Variants in MALT1 observed in about 807,000 individuals in gnomAD.
MALT1 encodes the protein mucosa-associated lymphoid tissue lymphoma translocation protein 1.
MALT1 carries 36 observed loss-of-function variants against 85.5 expected under a neutral mutation model. The observed-to-expected ratio is 0.42, with a 90% CI of 0.32 to 0.56. The LOEUF is 0.56. MALT1 is among the 20% of genes least tolerant of loss of function. The pLI is 0.10. For missense variants in MALT1, 716 were observed against 981.6 expected (o/e 0.73, Z 3.62); for synonymous variants, 359 against 361.3 (o/e 0.99, Z 0.07).
rs2055425313 is a variant in MALT1 at position 58,749,998 on chromosome 18, A to T, written c.*2156A>T. The stretch of plus-strand genomic sequence containing the variant: ...GTTAGGAATTCAAGGTTTGTTCAAC[A>T]TCTAAAAATCAAATAAGCTAATAAA... On this transcript the variant is annotated 3_prime_UTR_variant, in exon 17 of 17. Transcript: ENST00000649217. 1 of 202,486 alleles carries T rather than the reference A, an allele frequency of 4.9e-6. No homozygotes were observed. Among genetic ancestry groups the T allele is most frequent in the Admixed American group, 6.0e-5 (1 of 16,728 alleles). 12.5% of individuals were successfully genotyped at this position (202,486 alleles called of 1,614,324 possible).
intron 3 of MALT1, among the ~76,000 whole-genome samples, chr18:58,699,381 C>T (rs887972631): frequency 2.0e-5 from 3 of 152,124 alleles, no homozygotes; most frequent in African/African-American, 7.2e-5. Context: ...GTAAGTGCAG[C>T]CTGTCATCCC....
rs148336904 is a variant in MALT1, at chr18:58,725,532, A to G, written c.1222+2281A>G. On this transcript the variant is annotated intron_variant, in intron 10 of 16. Transcript: ENST00000649217. The stretch of plus-strand genomic sequence containing the variant: ...GGGGTGTTGTTTGTTTTTATATTAT[A>G]CAATTGATCTCAGCTTTTAAGGTGC... Among the ~76,000 whole-genome samples, 591 of 152,272 alleles carry G rather than the reference A, an allele frequency of 3.9e-3. 4 individuals are homozygous for G. Among genetic ancestry groups the G allele is most frequent in the African/African-American group, 0.014 (569 of 41,560 alleles).
chr18:58,730,910 T>C (rs373810801), intron 10 of MALT1, among the ~76,000 whole-genome samples: 3 of 151,390 alleles, frequency 2.0e-5, no homozygotes, highest in African/African-American at 2.4e-5. Context: ...TATATCCTCT[T>C]TGGAGAAGCA....
intron 9 of MALT1, among the ~76,000 whole-genome samples, chr18:58,717,617 A>C (rs1055378783): frequency 6.6e-6 from 1 of 151,984 alleles, no homozygotes; most frequent in African/African-American, 2.4e-5. Context: ...GTGGTGGTAC[A>C]CGCCTGTAAT....
chr18:58,692,675 A>G (rs1169254135), intron 2 of MALT1, among the ~76,000 whole-genome samples: 1 of 152,244 alleles, frequency 6.6e-6, no homozygotes, highest in East Asian at 1.9e-4. Context: ...GAAGAGTCAC[A>G]TGTCTCTCAC....
intron 10 of MALT1, among the ~76,000 whole-genome samples, chr18:58,730,575 T>C (rs1363323283): frequency 1.3e-5 from 2 of 152,250 alleles, no homozygotes; most frequent in African/African-American, 4.8e-5. Flanking sequence ...ACATGATTAA[T>C]AATACTGCTG....
chr18:58,717,763 A>G (rs890570495), intron 9 of MALT1, among the ~76,000 whole-genome samples: 88 of 151,820 alleles, frequency 5.8e-4, no homozygotes, highest in Non-Finnish European at 1.2e-3. Context: ...AAAAAAAAAA[A>G]AAAAGAAACC....
intron 2 of MALT1, among the ~76,000 whole-genome samples, chr18:58,686,091 G>C (rs751502085): frequency 6.6e-6 from 1 of 152,032 alleles, no homozygotes; most frequent in Non-Finnish European, 1.5e-5. Flanking sequence ...GCAGTGGCGC[G>C]ATCTTGGCTC....
intron 4 of MALT1, among the ~76,000 whole-genome samples, chr18:58,705,362 T>G (rs895689111): frequency 7.9e-5 from 12 of 151,686 alleles, no homozygotes; most frequent in Admixed American, 2.0e-4. Context: ...TTAGGGTACA[T>G]GTGCACATTG....
At position 58,708,839 on chromosome 18, in the gene MALT1, C is replaced by T. The variant is rs116305553; in HGVS notation, c.650-539C>T. Among the ~76,000 whole-genome samples, 1,197 of 152,264 alleles carry T rather than the reference C, an allele frequency of 7.9e-3. 18 individuals are homozygous for T. The highest frequency in any genetic ancestry group is 0.027 in the African/African-American group (1,142 of 41,552). ...ATAAAATTGACAAGCTCTTTGCCTT[C>T]AGGAAACTTAAAGAGTATTAAATGA... is the stretch of plus-strand genomic sequence containing the variant. On this transcript the variant is annotated intron_variant, in intron 4 of 16. Coordinates refer to ENST00000649217, the MANE Select transcript of MALT1 (RefSeq NM_006785.4).
Position 58,709,485 on chromosome 18 carries a change from AG to A in MALT1, c.758del (p.Ser253ThrfsTer15). ...GGTTTTACAGTGTGTTGCTGTTGGA[AG>A]CCCTATTCCTCACTACCAGTGGTTC... The part of the protein sequence containing the change: ...TLVLQCVAVG[S>X]PIPHYQWFKN... On this transcript the variant is annotated frameshift_variant, in exon 5 of 17. Coordinates refer to ENST00000649217, the MANE Select transcript of MALT1 (RefSeq NM_006785.4). LOFTEE classifies it high-confidence loss of function. 6.2e-7 allele frequency: 1 copy of A among 1,613,566 alleles called. No homozygotes were observed. Among genetic ancestry groups the A allele is most frequent in the Non-Finnish European group, 8.5e-7 (1 of 1,179,738 alleles).
At chr18:58,739,259 G>A (rs777007597) in intron 13 of MALT1, among the ~76,000 whole-genome samples, 2 of 151,886 alleles carry the variant, frequency 1.3e-5, no homozygotes, top group Non-Finnish European at 2.9e-5. Context: ...TATTCATATG[G>A]GAAATGGGCC....
chr18:58,689,632 A>AT (rs2054465663), intron 2 of MALT1, among the ~76,000 whole-genome samples: 3 of 152,050 alleles, frequency 2.0e-5, no homozygotes, highest in Non-Finnish European at 4.4e-5. Flanking sequence ...AGAAACAGGG[A>AT]TTTTAGAGAG....
intron 3 of MALT1, among the ~76,000 whole-genome samples, chr18:58,698,044 T>G (rs1216449311): frequency 1.4e-5 from 2 of 142,884 alleles, no homozygotes; most frequent in Non-Finnish European, 3.0e-5. Flanking sequence ...GGTTTTTTGT[T>G]GTTGTTGTTG....
At chr18:58,734,465 A>C in intron 12 of MALT1, 84 bp downstream of exon 12, 1 of 1,042,876 alleles carries the variant, frequency 9.6e-7, no homozygotes, top group Non-Finnish European at 1.5e-6. Context: ...AGGGGTCTTA[A>C]CTCTGTCACC....
At chr18:58,707,645 T>A (rs946324651) in intron 4 of MALT1, among the ~76,000 whole-genome samples, 5 of 152,194 alleles carry the variant, frequency 3.3e-5, no homozygotes, top group African/African-American at 1.2e-4. Flanking sequence ...TATTCAATGC[T>A]GAACATTGAG....
chr18:58,719,212 G>A (rs2054946874), intron 9 of MALT1, among the ~76,000 whole-genome samples: 2 of 152,190 alleles, frequency 1.3e-5, no homozygotes, highest in Non-Finnish European at 2.9e-5. Flanking sequence ...TGCAACTGCA[G>A]TCAGATGAGG....
chr18:58,671,630 C>A lies in MALT1; in HGVS notation c.-14C>A. 1 of 1,212,276 alleles carries A rather than the reference C, an allele frequency of 8.2e-7. No individual in the cohort carries two copies. The highest frequency in any genetic ancestry group is 1.0e-6 in the Non-Finnish European group (1 of 975,214). The allele number at this position is 1,212,276 out of a possible 1,614,324, so 75.1% of individuals were successfully genotyped here. A position where few individuals can be genotyped will look rare whatever the true frequency, so the allele number is the denominator to read the frequency against. On this transcript the variant is annotated 5_prime_UTR_variant, in exon 1 of 17. Coordinates refer to ENST00000649217, the MANE Select transcript of MALT1 (RefSeq NM_006785.4). ...GGCGGGAGCCCCGGCAGTCCGGGGT[C>A]GCCGGCGAGGGCCATGTCGCTGTTG...
chr18:58,672,650 C>T (rs550581968), intron 1 of MALT1: 1 of 152,218 alleles, frequency 6.6e-6, no homozygotes, highest in East Asian at 1.9e-4. Context: ...AAAAGAATAA[C>T]CCATTATATG....
Sources: allele counts gnomAD v4.1 joint callset (sites outside exome capture counted in the v4.1 genomes callset), GRCh38; gene constraint gnomAD v4.1.1; transcripts MANE v1.5; gene names NCBI Gene and HGNC (gene_info 2026-07-23, HGNC 2026-07-21).